Variants in MAP4K4 observed in about 807,000 individuals in gnomAD.
MAP4K4 encodes the protein HPK/GCK-like kinase HGK.
Under a neutral mutation model 189.6 loss-of-function variants are expected in MAP4K4, and 38 were observed. That is an observed-to-expected ratio of 0.20 (90% CI 0.15 to 0.26). The LOEUF is 0.26. Among genes scored for constraint, MAP4K4 ranks in the 10% least tolerant of loss-of-function variants. MAP4K4 has a pLI of 1.00. For missense variants in MAP4K4, 1,054 were observed against 1,726.9 expected, an observed-to-expected ratio of 0.61 and a Z score of 6.91; for synonymous variants, 610 against 624.3, an observed-to-expected ratio of 0.98 and a Z score of 0.34.
At chr2:101,783,536 C>T (rs2088923500) in intron 2 of MAP4K4, among the ~76,000 whole-genome samples, 1 of 152,198 alleles carries the variant, frequency 6.6e-6, no homozygotes, top group Admixed American at 6.5e-5. Flanking sequence ...CCCAGTTACA[C>T]AGTTCTTATG....
intron 2 of MAP4K4, among the ~76,000 whole-genome samples, chr2:101,747,890 C>T (rs181839262): frequency 6.6e-6 from 1 of 152,296 alleles, no homozygotes; most frequent in Admixed American, 6.5e-5. Context: ...TACTTTTTGG[C>T]ACCTCTTCTG....
chr2:101,719,734 A>G (rs1310025617), intron 2 of MAP4K4, among the ~76,000 whole-genome samples: 1 of 152,150 alleles, frequency 6.6e-6, no homozygotes, highest in East Asian at 1.9e-4. Flanking sequence ...AAAGGGGGCC[A>G]GGCGTGGTGG....
intron 2 of MAP4K4, among the ~76,000 whole-genome samples, chr2:101,771,152 T>A (rs1211079686): frequency 6.6e-6 from 1 of 152,246 alleles, no homozygotes; most frequent in Admixed American, 6.5e-5. Flanking sequence ...GTTGTTTTCC[T>A]GCTCTCAGCC....
chr2:101,760,305 A>G (rs2075667077), intron 2 of MAP4K4, among the ~76,000 whole-genome samples: 1 of 151,892 alleles, frequency 6.6e-6, no homozygotes, highest in African/African-American at 2.4e-5. Context: ...CTTGGCCAAC[A>G]TGGTAAAACC....
chr2:101,811,792 A>G (rs574709279), intron 3 of MAP4K4, among the ~76,000 whole-genome samples: 1 of 152,180 alleles, frequency 6.6e-6, no homozygotes, highest in East Asian at 1.9e-4. Context: ...TGGCATGGCA[A>G]CTTACTGACC....
In MAP4K4 at chr2:101,831,938, G is replaced by GT. The variant is rs1477499244; in HGVS notation, c.639+88dup. The stretch of plus-strand genomic sequence containing the variant: ...TTTGCTTATAAATTGCACACCCCTT[G>GT]TCTGCCTGCCTTTTCAGGGAGGAAG... On this transcript the variant is annotated intron_variant, in intron 7 of 32. Transcript: ENST00000324219. 22 of 1,463,104 alleles carry GT rather than the reference G, an allele frequency of 1.5e-5. No individual in the cohort carries two copies. The African/African-American group carries it at 3.1e-4, about 21-fold the overall frequency. The allele number at this position is 1,463,104 out of a possible 1,614,324, so 90.6% of individuals were successfully genotyped here. A position where few individuals can be genotyped will look rare whatever the true frequency, so the allele number is the denominator to read the frequency against.
intron 1 of MAP4K4, 41 bp downstream of exon 1, chr2:101,698,178 C>T (rs766313304): frequency 3.2e-6 from 3 of 927,142 alleles, no homozygotes; most frequent in Middle Eastern, 3.5e-4. Context: ...AGCGGGCAGC[C>T]GGCAGCCGGC....
intron 12 of MAP4K4, among the ~76,000 whole-genome samples, chr2:101,851,248 TCA>T (rs1460103642): frequency 6.6e-6 from 1 of 152,218 alleles, no homozygotes. Context: ...CGTTAGGACA[TCA>T]CACAGTTTTT....
At chr2:101,701,233 G>T (rs187275097) in intron 2 of MAP4K4, among the ~76,000 whole-genome samples, 2 of 152,302 alleles carry the variant, frequency 1.3e-5, no homozygotes, top group African/African-American at 4.8e-5. Flanking sequence ...CATGAAGTGA[G>T]TGAGTTGAAA....
intron 2 of MAP4K4, among the ~76,000 whole-genome samples, chr2:101,769,261 C>T (rs1255484556): frequency 6.6e-6 from 1 of 152,096 alleles, no homozygotes; most frequent in Non-Finnish European, 1.5e-5. Context: ...GAATGAGTTT[C>T]AGCTCGTTTT....
At chr2:101,870,841 A>G (rs1577130197) in intron 23 of MAP4K4, among the ~76,000 whole-genome samples, 1 of 152,144 alleles carries the variant, frequency 6.6e-6, no homozygotes, top group Admixed American at 6.5e-5. Flanking sequence ...GGCAGGCAGG[A>G]CGAGCCTCAT....
intron 2 of MAP4K4, among the ~76,000 whole-genome samples, chr2:101,730,551 C>T (rs895056205): frequency 2.0e-5 from 3 of 152,150 alleles, no homozygotes; most frequent in Non-Finnish European, 2.9e-5. Context: ...CTATTACAGA[C>T]ACCAGGTCAC....
intron 18 of MAP4K4, 107 bp from the exon 19 acceptor site, chr2:101,866,321 C>T: frequency 2.0e-6 from 2 of 1,005,390 alleles, no homozygotes; most frequent in East Asian, 2.5e-5. Context: ...TTTTTTGTCT[C>T]CCTACACTTT....
At chr2:101,772,416 A>G (rs1186475250) in intron 2 of MAP4K4, among the ~76,000 whole-genome samples, 1 of 152,250 alleles carries the variant, frequency 6.6e-6, no homozygotes, top group African/African-American at 2.4e-5. Flanking sequence ...GTAACAGCTT[A>G]GGCACACACC....
intron 27 of MAP4K4, among the ~76,000 whole-genome samples, chr2:101,881,639 T>C (rs540766290): frequency 5.9e-5 from 9 of 152,384 alleles, no homozygotes; most frequent in Admixed American, 5.9e-4. Flanking sequence ...CTTGCCATTA[T>C]GTATGACGTT....
chr2:101,878,949 G>A (rs2098292293), intron 27 of MAP4K4, among the ~76,000 whole-genome samples: 1 of 152,076 alleles, frequency 6.6e-6, no homozygotes, highest in East Asian at 1.9e-4. Flanking sequence ...TTTAAAACTA[G>A]AGTGCTGATG....
chr2:101,721,593 G>A lies in MAP4K4; in HGVS notation c.123+23055G>A, dbSNP rs560651183. ...TGAGTTTACAGGCTCACGCCACCAT[G>A]CCTGGCTAATTTTTGTATTTTTAGT... On this transcript the variant is annotated intron_variant, in intron 2 of 32. Transcript: ENST00000324219. Among the ~76,000 whole-genome samples, 156 of 152,128 alleles carry A rather than the reference G, an allele frequency of 1.0e-3. 1 individual carries two copies. The highest frequency in any genetic ancestry group is 4.1e-3 in the South Asian group (20 of 4,822).
chr2:101,860,014 G>A, intron 15 of MAP4K4, 150 bp downstream of exon 15: 1 of 821,962 alleles, frequency 1.2e-6, no homozygotes, highest in South Asian at 1.6e-5. Flanking sequence ...GAATTTCAGA[G>A]GAGTGGAGGG....
intron 2 of MAP4K4, among the ~76,000 whole-genome samples, chr2:101,736,605 T>C (rs2060355546): frequency 6.6e-6 from 1 of 152,268 alleles, no homozygotes; most frequent in Non-Finnish European, 1.5e-5. Context: ...TAACTCGTTC[T>C]ATTGCTGACC....
Sources: gnomAD v4.1 joint callset for allele counts (sites outside exome capture counted in the v4.1 genomes callset) on GRCh38, gnomAD v4.1.1 for gene constraint, MANE v1.5 for transcripts, NCBI Gene and HGNC (gene_info 2026-07-23, HGNC 2026-07-21) for gene names.